LAMB1: variants seen among roughly 807,000 people sequenced by gnomAD.
LAMB1 encodes the protein laminin subunit beta-1.
LAMB1 carries 121 observed loss-of-function variants against 222.3 expected under a neutral mutation model. The ratio of observed to expected loss-of-function variants is 0.54; its 90% CI spans 0.47 to 0.63. LAMB1 has a LOEUF of 0.63. LAMB1 is among the 30% of genes least tolerant of loss of function. The pLI is 0.00. For synonymous variants in LAMB1, 794 were observed against 807.2 expected, an observed-to-expected ratio of 0.98 and a Z score of 0.28; for missense variants, 2,172 against 2,240.8, an observed-to-expected ratio of 0.97 and a Z score of 0.62.
chr7:107,929,971 G>C (rs369581001), intron 29 of LAMB1: 2 of 314,150 alleles, frequency 6.4e-6, no homozygotes, highest in South Asian at 6.6e-5. Context: ...AGTATGTTAC[G>C]GGAAAGTATA....
At chr7:107,930,291 T>C (rs536125430) in intron 29 of LAMB1, among the ~76,000 whole-genome samples, 1 of 152,376 alleles carries the variant, frequency 6.6e-6, no homozygotes, top group African/African-American at 2.4e-5. Flanking sequence ...GATCCTCATT[T>C]ACTTTCAAGC....
intron 13 of LAMB1, among the ~76,000 whole-genome samples, chr7:107,969,621 G>A (rs563807886): frequency 6.6e-5 from 10 of 152,256 alleles, no homozygotes; most frequent in South Asian, 4.1e-4. Flanking sequence ...TGTGTTGTTC[G>A]CCAATTTTGT....
chr7:107,991,970 T>C lies in LAMB1; in HGVS notation c.423+2917A>G, dbSNP rs114869667. Among the ~76,000 whole-genome samples the C allele has an allele frequency of 2.2e-3, 333 of 151,800 alleles. 1 individual carries two copies. The highest frequency in any genetic ancestry group is 7.8e-3 in the African/African-American group (324 of 41,440). On this transcript the variant is annotated intron_variant, in intron 5 of 33. Transcript: ENST00000222399. ...AGTTGTAATGGCTCCCTATTTCTTA[T>C]AAAGTTCACACTCCCTAGCAAGGAG...
At chr7:107,933,728 G>T (rs1023184656) in intron 27 of LAMB1, among the ~76,000 whole-genome samples, 1 of 152,146 alleles carries the variant, frequency 6.6e-6, no homozygotes, top group Non-Finnish European at 1.5e-5. Context: ...CTTACAGAAA[G>T]AATTCTCACA....
At chr7:107,961,459 G>C (rs553727727) in intron 16 of LAMB1, 90 bp downstream of exon 16, 1 of 1,578,998 alleles carries the variant, frequency 6.3e-7, no homozygotes, top group South Asian at 1.2e-5. Context: ...GTCTGGCTCT[G>C]AAATGGTGAC....
chr7:107,950,694 T>G (rs1192155257), intron 24 of LAMB1, among the ~76,000 whole-genome samples: 2 of 152,152 alleles, frequency 1.3e-5, no homozygotes, highest in Non-Finnish European at 2.9e-5. Context: ...CTGGTGGGGA[T>G]GTTATCTTAC....
chr7:107,937,316 C>T, intron 25 of LAMB1, 39 bp from the exon 26 acceptor site: 1 of 1,534,344 alleles, frequency 6.5e-7, no homozygotes, highest in Non-Finnish European at 9.0e-7. Flanking sequence ...ATAAAATAAA[C>T]CCAAGGGAGA....
chr7:107,926,415 G>A, intron 31 of LAMB1, 56 bp from the exon 32 acceptor site: 1 of 1,463,656 alleles, frequency 6.8e-7, no homozygotes, highest in Non-Finnish European at 9.5e-7. Context: ...GAATTACTAT[G>A]AGTACAAGTT....
At chr7:107,924,187 C>T (rs2032504624) in intron 33 of LAMB1, 43 bp downstream of exon 33, 4 of 1,564,084 alleles carry the variant, frequency 2.6e-6, no homozygotes, top group Non-Finnish European at 3.4e-6. Context: ...ACTATGGATG[C>T]CTTAAAGTAA....
chr7:107,988,205 C>G (rs2034115593), intron 5 of LAMB1, among the ~76,000 whole-genome samples: 1 of 152,188 alleles, frequency 6.6e-6, no homozygotes, highest in Non-Finnish European at 1.5e-5. Context: ...GAAAGAAATA[C>G]AGGCACCTGA....
At chr7:107,976,146 T>C (rs572963228) in intron 9 of LAMB1, among the ~76,000 whole-genome samples, 14 of 152,088 alleles carry the variant, frequency 9.2e-5, no homozygotes, top group Non-Finnish European at 1.3e-4. Flanking sequence ...AATGGAAAAC[T>C]CTAAGGGAAA....
chr7:107,952,929 A>G (rs2033290206), intron 22 of LAMB1, among the ~76,000 whole-genome samples: 2 of 151,402 alleles, frequency 1.3e-5, no homozygotes, highest in East Asian at 1.9e-4. Flanking sequence ...TGGGCAGAGC[A>G]TACCATCAGT....
chr7:107,941,014 A>G (rs925397107), intron 24 of LAMB1, among the ~76,000 whole-genome samples: 17 of 152,264 alleles, frequency 1.1e-4, no homozygotes, highest in African/African-American at 4.1e-4. Flanking sequence ...AAGGCTTTCA[A>G]CTAAGTATAA....
rs888179523 is a variant in LAMB1 at position 107,980,552 on chromosome 7, C to T, written c.879+57G>A. 1.4e-5 allele frequency: 20 copies of T among 1,403,748 alleles called. No individual in the cohort carries two copies. In the Admixed American group the frequency reaches 1.8e-4, roughly 13 times the overall value. 87.0% of individuals were successfully genotyped at this position (1,403,748 alleles called of 1,614,324 possible). On this transcript the variant is annotated intron_variant, in intron 8 of 33. Coordinates refer to ENST00000222399, the MANE Select transcript of LAMB1 (RefSeq NM_002291.3). ...AAGGCTTAAGGTAAGACTAGCTTCACTTTGCATTTTATTACCAGCCACATA... is the reference window on the plus strand; with the variant it reads ...AAGGCTTAAGGTAAGACTAGCTTCATTTTGCATTTTATTACCAGCCACATA...
At chr7:107,954,517 G>A (rs909450775) in intron 21 of LAMB1, among the ~76,000 whole-genome samples, 14 of 151,982 alleles carry the variant, frequency 9.2e-5, no homozygotes, top group Middle Eastern at 3.4e-3. Flanking sequence ...GCTCACGCCT[G>A]TAATCCCAGC....
At chr7:107,965,470 T>G (rs897695255) in intron 13 of LAMB1, among the ~76,000 whole-genome samples, 1 of 152,012 alleles carries the variant, frequency 6.6e-6, no homozygotes, top group African/African-American at 2.4e-5. Flanking sequence ...TCCCAGATAC[T>G]TGGGAGGCTG....
intron 8 of LAMB1, among the ~76,000 whole-genome samples, chr7:107,979,558 C>A (rs907290042): frequency 1.3e-5 from 2 of 152,164 alleles, no homozygotes; most frequent in Non-Finnish European, 2.9e-5. Flanking sequence ...TAAGTCCTAT[C>A]TGGCCTTAAA....
chr7:107,963,206 T>G (rs2033550942), intron 14 of LAMB1, 143 bp from the exon 15 acceptor site: 1 of 744,800 alleles, frequency 1.3e-6, no homozygotes, highest in Non-Finnish European at 2.1e-6. Context: ...TCTCCCCTAA[T>G]AGATTGTAAA....
At chr7:107,993,236 C>T (rs556281583) in intron 5 of LAMB1, among the ~76,000 whole-genome samples, 2 of 152,276 alleles carry the variant, frequency 1.3e-5, no homozygotes, top group South Asian at 2.1e-4. Flanking sequence ...AGGGTTCAAA[C>T]GATTCTCCTG....
Sources: allele counts gnomAD v4.1 joint callset (sites outside exome capture counted in the v4.1 genomes callset), GRCh38; gene constraint gnomAD v4.1.1; transcripts MANE v1.5; gene names NCBI Gene and HGNC (gene_info 2026-07-23, HGNC 2026-07-21).